The following BTRC variants were observed in gnomAD, a reference collection of about 807,000 sequenced individuals.
BTRC encodes beta-transducin repeat containing E3 ubiquitin protein ligase, also known as F-box/WD repeat-containing protein 1A.
In BTRC, 42 loss-of-function variants were observed where a neutral mutation model predicts 85.5. The observed-to-expected ratio is 0.49, with a 90% CI of 0.38 to 0.64. The LOEUF (loss-of-function observed/expected upper bound fraction) is 0.64, where lower values mean the gene tolerates loss of function less well. Ranked by LOEUF, BTRC falls within the 30% of genes least tolerant of loss-of-function variation. The pLI is 0.00. For synonymous variants in BTRC, 255 were observed against 263.3 expected (o/e 0.97, Z 0.30); for missense variants, 594 against 743.5 (o/e 0.80, Z 2.34).
At chr10:101,397,167 T>C (rs1030347151) in intron 1 of BTRC, among the ~76,000 whole-genome samples, 1 of 152,236 alleles carries the variant, frequency 6.6e-6, no homozygotes, top group Admixed American at 6.5e-5. Flanking sequence ...TAAATTCTCT[T>C]ATTTACTTTG....
chr10:101,369,897 C>T lies in BTRC; in HGVS notation c.48+15669C>T, dbSNP rs552953319. On this transcript the variant is annotated intron_variant, in intron 1 of 14. Coordinates refer to ENST00000370187, the MANE Select transcript of BTRC (RefSeq NM_033637.4). Reference sequence around the variant, plus strand: ...CAATCAGCCCCTTTCTATGTGACCACTCTCATGTTGCTGCTGTTCCCCACA... The same window carrying T: ...CAATCAGCCCCTTTCTATGTGACCATTCTCATGTTGCTGCTGTTCCCCACA... Among the ~76,000 whole-genome samples the T allele has an allele frequency of 1.2e-4, 19 of 152,278 alleles. 1 individual carries two copies. The East Asian group carries it at 3.5e-3, about 28-fold the overall frequency.
At chr10:101,365,714 T>G (rs1942353248) in intron 1 of BTRC, among the ~76,000 whole-genome samples, 1 of 152,126 alleles carries the variant, frequency 6.6e-6, no homozygotes, top group Non-Finnish European at 1.5e-5. Context: ...TGAACTTAAG[T>G]GATCCACCTG....
At chr10:101,536,677 A>C (rs772277127) in intron 12 of BTRC, 24 bp downstream of exon 12, 1 of 1,538,502 alleles carries the variant, frequency 6.5e-7, no homozygotes, top group Non-Finnish European at 9.0e-7. Flanking sequence ...CAGAGTGTAA[A>C]AAAGAGAAAA....
chr10:101,507,791 A>G (rs1368187286), intron 4 of BTRC, among the ~76,000 whole-genome samples: 1 of 152,212 alleles, frequency 6.6e-6, no homozygotes, highest in Non-Finnish European at 1.5e-5. Context: ...CACCCCGGGT[A>G]TGTCTGTGCC....
At position 101,366,967 on chromosome 10, in the gene BTRC, A is replaced by T. The variant is rs377394888; in HGVS notation, c.48+12739A>T. On this transcript the variant is annotated intron_variant, in intron 1 of 14. Coordinates refer to ENST00000370187, the MANE Select transcript of BTRC (RefSeq NM_033637.4). ...ATATATTTATATATATATTTATATAAATATATATTTATATATTTATATATA... is the reference window on the plus strand; with the variant it reads ...ATATATTTATATATATATTTATATATATATATATTTATATATTTATATATA... Among the ~76,000 whole-genome samples, 48 of 29,938 alleles carry T rather than the reference A, an allele frequency of 1.6e-3. 2 individuals carry two copies. The highest frequency in any genetic ancestry group is 2.3e-3 in the Non-Finnish European group (26 of 11,460). The allele number at this position is 29,938 out of a possible 152,430, so 19.6% of individuals were successfully genotyped here. A position where few individuals can be genotyped will look rare whatever the true frequency, so the allele number is the denominator to read the frequency against.
In BTRC at chr10:101,531,279, T is replaced by G; in HGVS notation, c.786T>G (p.Ala262=). The G allele has an allele frequency of 6.2e-7, 1 of 1,610,926 alleles. No individual in the cohort carries two copies. The highest frequency in any genetic ancestry group is 8.5e-7 in the Non-Finnish European group (1 of 1,177,140). ...AAAACAAACCTCCTGACGGGAATGC[T>G]CCTCCCAACTCTTTTTATAGAGCAC... ...LFKNKPPDGN[A]PPNSFYRALY... The change falls in exon 7 of 15, where the codon GCT becomes GCG. Residue 262 remains alanine (A), a synonymous_variant. Coordinates refer to ENST00000370187, the MANE Select transcript of BTRC (RefSeq NM_033637.4).
At chr10:101,375,429 G>A (rs769270536) in intron 1 of BTRC, among the ~76,000 whole-genome samples, 3 of 152,156 alleles carry the variant, frequency 2.0e-5, no homozygotes, top group South Asian at 2.1e-4. Flanking sequence ...CTGCAGAACC[G>A]TGAGCCAATG....
intron 1 of BTRC, chr10:101,354,521 C>T (rs1031456801): frequency 6.7e-6 from 3 of 445,120 alleles, no homozygotes; most frequent in Admixed American, 8.8e-5. Context: ...GGGAAAGGGG[C>T]GTGGGGACTG....
At chr10:101,439,977 A>G (rs1944638054) in intron 2 of BTRC, among the ~76,000 whole-genome samples, 1 of 152,248 alleles carries the variant, frequency 6.6e-6, no homozygotes. Flanking sequence ...CTTATTATCC[A>G]GTGTCTTTAA....
At chr10:101,489,876 C>T (rs971158399) in intron 4 of BTRC, among the ~76,000 whole-genome samples, 3 of 152,036 alleles carry the variant, frequency 2.0e-5, no homozygotes, top group Non-Finnish European at 4.4e-5. Flanking sequence ...CCAAAAATGT[C>T]CAACTGGCTG....
intron 4 of BTRC, among the ~76,000 whole-genome samples, chr10:101,508,681 G>A (rs1007354244): frequency 2.0e-4 from 31 of 152,064 alleles, no homozygotes; most frequent in Non-Finnish European, 3.7e-4. Context: ...TTGGGAGGCC[G>A]AGGCGGGCAG....
intron 4 of BTRC, among the ~76,000 whole-genome samples, chr10:101,485,755 G>A (rs1391910523): frequency 6.6e-6 from 1 of 152,184 alleles, no homozygotes; most frequent in African/African-American, 2.4e-5. Context: ...TAGCCAGGGA[G>A]CTAATAGGCT....
chr10:101,417,484 G>T (rs1195495931), intron 1 of BTRC, among the ~76,000 whole-genome samples: 1 of 152,180 alleles, frequency 6.6e-6, no homozygotes, highest in African/African-American at 2.4e-5. Flanking sequence ...ATAGTATCAG[G>T]TGACACATAA....
chr10:101,367,639 T>C (rs774795799), intron 1 of BTRC, among the ~76,000 whole-genome samples: 51 of 152,182 alleles, frequency 3.4e-4, no homozygotes, highest in Non-Finnish European at 6.2e-4. Flanking sequence ...CACTCTCTTA[T>C]AATATCTGTA....
chr10:101,391,296 A>G (rs1289956526), intron 1 of BTRC, among the ~76,000 whole-genome samples: 2 of 152,206 alleles, frequency 1.3e-5, no homozygotes, highest in South Asian at 2.1e-4. Flanking sequence ...TGGGAGAACT[A>G]CTTTTTTGAA....
At chr10:101,526,332 T>C in intron 6 of BTRC, 133 bp downstream of exon 6, 6 of 787,554 alleles carry the variant, frequency 7.6e-6, no homozygotes, top group Non-Finnish European at 1.2e-5. Context: ...TAGCTTAAAA[T>C]GTAACAGAGA....
intron 4 of BTRC, among the ~76,000 whole-genome samples, chr10:101,515,117 G>A (rs1295570098): frequency 6.6e-6 from 1 of 151,558 alleles, no homozygotes; most frequent in East Asian, 2.0e-4. Context: ...CACCACACCC[G>A]GCAAATTTTT....
chr10:101,409,055 A>G (rs1237769542), intron 1 of BTRC, among the ~76,000 whole-genome samples: 2 of 152,178 alleles, frequency 1.3e-5, no homozygotes, highest in Non-Finnish European at 2.9e-5. Flanking sequence ...ATCTCAAAAC[A>G]AAAACAAAAA....
At position 101,367,677 on chromosome 10, in the gene BTRC, A is replaced by G. The variant is rs1409687032; in HGVS notation, c.48+13449A>G. On this transcript the variant is annotated intron_variant, in intron 1 of 14. Coordinates refer to ENST00000370187, the MANE Select transcript of BTRC (RefSeq NM_033637.4). ...TTAGTTTTACTGTTATTGGTATGTAAGCTCATCTAAATGGAATCATTCCAG... is the reference window on the plus strand; with the variant it reads ...TTAGTTTTACTGTTATTGGTATGTAGGCTCATCTAAATGGAATCATTCCAG... Among the ~76,000 whole-genome samples, 3 of 152,182 alleles carry G rather than the reference A, an allele frequency of 2.0e-5. No homozygotes were observed. In the South Asian group the frequency reaches 6.2e-4, roughly 32 times the overall value.
Sources: allele counts gnomAD v4.1 joint callset (sites outside exome capture counted in the v4.1 genomes callset), GRCh38; gene constraint gnomAD v4.1.1; transcripts MANE v1.5; gene names NCBI Gene and HGNC (gene_info 2026-07-23, HGNC 2026-07-21).